Variants in CCSER1 observed in about 807,000 individuals in gnomAD.
CCSER1 encodes the protein serine-rich coiled-coil domain-containing protein 1.
CCSER1 carries 41 observed loss-of-function variants against 82.0 expected under a neutral mutation model. The observed-to-expected ratio is 0.50, with a 90% CI of 0.39 to 0.65. The LOEUF (loss-of-function observed/expected upper bound fraction) is 0.65, where lower values mean the gene tolerates loss of function less well. CCSER1 is among the 30% of genes least tolerant of loss of function. CCSER1 has a pLI of 0.00. For missense variants in CCSER1, 1,119 were observed against 1,064.2 expected, an observed-to-expected ratio of 1.05 and a Z score of -0.72; for synonymous variants, 414 against 383.9, an observed-to-expected ratio of 1.08 and a Z score of -0.92.
chr4:91,566,881 GTTTCC>G (rs1348249645), intron 10 of CCSER1, among the ~76,000 whole-genome samples: 1 of 151,704 alleles, frequency 6.6e-6, no homozygotes, highest in African/African-American at 2.4e-5. Context: ...TCATGTCTTT[GTTTCC>G]TTCAGTTCAG....
chr4:90,568,984 T>C (rs1189657055), intron 5 of CCSER1, among the ~76,000 whole-genome samples: 1 of 152,072 alleles, frequency 6.6e-6, no homozygotes, highest in Non-Finnish European at 1.5e-5. Flanking sequence ...GTCAGGCTGA[T>C]CTCCAACTCC....
At chr4:90,518,928 A>G (rs1053363870) in intron 5 of CCSER1, among the ~76,000 whole-genome samples, 13 of 152,010 alleles carry the variant, frequency 8.6e-5, no homozygotes, top group African/African-American at 3.1e-4. Context: ...TGTAGCAGAC[A>G]GTATTTGGGC....
intron 9 of CCSER1, among the ~76,000 whole-genome samples, chr4:91,021,094 G>A (rs771733896): frequency 6.6e-6 from 1 of 152,000 alleles, no homozygotes; most frequent in African/African-American, 2.4e-5. Flanking sequence ...TCCCTATATA[G>A]ATACAAGGAA....
chr4:90,350,399 T>A lies in CCSER1; in HGVS notation c.1509+37352T>A, dbSNP rs373863855. ...GCAAGTATATTCTTGATTATGAGTATTATTTAGTGTTGTTTTGAAGGTATA... is the reference window on the plus strand; with the variant it reads ...GCAAGTATATTCTTGATTATGAGTAATATTTAGTGTTGTTTTGAAGGTATA... On this transcript the variant is annotated intron_variant, in intron 3 of 10. Transcript: ENST00000509176. 1.9e-3 allele frequency among the ~76,000 whole-genome samples: 288 copies of A among 152,256 alleles called. 1 individual carries two copies. The highest frequency in any genetic ancestry group is 6.1e-3 in the African/African-American group (252 of 41,570).
At chr4:90,691,999 T>G (rs147687194) in intron 6 of CCSER1, among the ~76,000 whole-genome samples, 90 of 148,232 alleles carry the variant, frequency 6.1e-4, no homozygotes, top group African/African-American at 2.0e-3. Flanking sequence ...TTTTTTAAAA[T>G]TTTGCAATTA....
At chr4:90,867,601 T>C (rs1765903829) in intron 8 of CCSER1, among the ~76,000 whole-genome samples, 1 of 151,992 alleles carries the variant, frequency 6.6e-6, no homozygotes, top group Non-Finnish European at 1.5e-5. Flanking sequence ...TTGATTGCAC[T>C]CACCCTGTTG....
chr4:90,456,825 C>T (rs1441287021), intron 4 of CCSER1, among the ~76,000 whole-genome samples: 2 of 152,206 alleles, frequency 1.3e-5, no homozygotes, highest in Admixed American at 1.3e-4. Context: ...CACCCTTTTG[C>T]AGATCCTGGA....
At chr4:91,088,998 T>C (rs1030669923) in intron 10 of CCSER1, among the ~76,000 whole-genome samples, 1 of 152,176 alleles carries the variant, frequency 6.6e-6, no homozygotes, top group Non-Finnish European at 1.5e-5. Flanking sequence ...TGTGTGTGCC[T>C]GTAGCAGGAC....
intron 6 of CCSER1, among the ~76,000 whole-genome samples, chr4:90,647,132 T>C (rs1248082854): frequency 6.6e-6 from 1 of 152,224 alleles, no homozygotes. Flanking sequence ...TCTCCTTATC[T>C]TATTATAATG....
At chr4:90,234,057 T>G (rs1351407937) in intron 1 of CCSER1, among the ~76,000 whole-genome samples, 1 of 152,152 alleles carries the variant, frequency 6.6e-6, no homozygotes, top group Non-Finnish European at 1.5e-5. Context: ...AACAAATACT[T>G]TTGAGGTTTG....
intron 6 of CCSER1, among the ~76,000 whole-genome samples, chr4:90,668,719 C>T (rs1732254355): frequency 6.6e-6 from 1 of 151,982 alleles, no homozygotes; most frequent in South Asian, 2.1e-4. Context: ...TTCAAGTAGT[C>T]ATTTGGAAAT....
At chr4:91,170,786 C>T (rs1490179306) in intron 10 of CCSER1, among the ~76,000 whole-genome samples, 6 of 152,110 alleles carry the variant, frequency 3.9e-5, no homozygotes, top group Admixed American at 2.6e-4. Flanking sequence ...ATGCCTGGAA[C>T]CTACCAACCA....
chr4:90,719,134 G>A (rs542568895), intron 6 of CCSER1, among the ~76,000 whole-genome samples: 2 of 152,100 alleles, frequency 1.3e-5, no homozygotes, highest in Non-Finnish European at 2.9e-5. Flanking sequence ...CTTCAGCTGT[G>A]CTTACAGCTG....
chr4:90,655,130 G>T (rs1729478541), intron 6 of CCSER1, among the ~76,000 whole-genome samples: 1 of 151,882 alleles, frequency 6.6e-6, no homozygotes, highest in Non-Finnish European at 1.5e-5. Context: ...GGTGGTTTTT[G>T]ACAGTGTAAT....
chr4:91,413,599 T>G (rs1387827441), intron 10 of CCSER1, among the ~76,000 whole-genome samples: 2 of 151,986 alleles, frequency 1.3e-5, no homozygotes, highest in Non-Finnish European at 2.9e-5. Context: ...AAGAGCATCC[T>G]AGAAGGAGAA....
At chr4:91,059,998 C>T (rs1399606600) in intron 9 of CCSER1, among the ~76,000 whole-genome samples, 1 of 152,012 alleles carries the variant, frequency 6.6e-6, no homozygotes, top group Non-Finnish European at 1.5e-5. Flanking sequence ...TGTCATAGGT[C>T]AGGCTGCTGA....
intron 10 of CCSER1, among the ~76,000 whole-genome samples, chr4:91,421,616 G>A (rs975404858): frequency 6.6e-6 from 1 of 152,000 alleles, no homozygotes; most frequent in Non-Finnish European, 1.5e-5. Flanking sequence ...TTTACCACCT[G>A]TCTGTATATC....
chr4:91,077,805 C>T (rs1394521704), intron 9 of CCSER1, among the ~76,000 whole-genome samples: 1 of 152,258 alleles, frequency 6.6e-6, no homozygotes, highest in Non-Finnish European at 1.5e-5. Context: ...ATATCCCACA[C>T]CTGGTTCAGA....
intron 10 of CCSER1, among the ~76,000 whole-genome samples, chr4:91,131,728 A>G (rs1198107831): frequency 6.6e-6 from 1 of 152,122 alleles, no homozygotes; most frequent in Non-Finnish European, 1.5e-5. Flanking sequence ...AGCAAACAGT[A>G]TCAACTGGTG....
Sources: gnomAD v4.1 joint callset for allele counts (sites outside exome capture counted in the v4.1 genomes callset) on GRCh38, gnomAD v4.1.1 for gene constraint, MANE v1.5 for transcripts, NCBI Gene and HGNC (gene_info 2026-07-23, HGNC 2026-07-21) for gene names.